Variants in PHF24 observed in about 807,000 individuals in gnomAD.
PHF24 encodes the protein Galpha inhibitory interacting protein.
In PHF24, 25 loss-of-function variants were observed where a neutral mutation model predicts 42.6. The ratio of observed to expected loss-of-function variants is 0.59; its 90% CI spans 0.43 to 0.82. The LOEUF (loss-of-function observed/expected upper bound fraction) is 0.82. PHF24 is among the 40% of genes least tolerant of loss of function. The pLI is 0.00. For synonymous variants in PHF24, 185 were observed against 204.8 expected (o/e 0.90, Z 0.83); for missense variants, 470 against 538.1 (o/e 0.87, Z 1.25).
chr9:34,840,227 A>G, the PHF24 span, among the ~76,000 whole-genome samples: 5 of 152,192 alleles, frequency 3.3e-5, no homozygotes, highest in African/African-American at 1.2e-4. Context: ...AAGAAGATAT[A>G]ACATACTGTC....
chr9:34,966,581 C>CG (rs1826776348), intron 1 of PHF24, among the ~76,000 whole-genome samples: 2 of 90,692 alleles, frequency 2.2e-5, no homozygotes, highest in Middle Eastern at 5.2e-3. Flanking sequence ...TATGGCGAGA[C>CG]CCCCCCCCTC....
chr9:34,703,109 C>T, the PHF24 span, among the ~76,000 whole-genome samples: 1 of 152,222 alleles, frequency 6.6e-6, no homozygotes, highest in Admixed American at 6.5e-5. Context: ...CCCCACCCCT[C>T]TGACTCCCAC....
At chr9:34,880,061 A>C in the PHF24 span, among the ~76,000 whole-genome samples, 13 of 152,238 alleles carry the variant, frequency 8.5e-5, no homozygotes, top group South Asian at 2.1e-4. Context: ...TTCTTAAAGA[A>C]AAGAATTTTC....
At chr9:34,977,147 G>C (rs772848273) in exon 6 of PHF24, 29 of 1,613,454 alleles carry the variant, frequency 1.8e-5, no homozygotes, top group Admixed American at 1.7e-5. Flanking sequence ...TTCCTGGCTC[G>C]GGGCAGTGGG....
the PHF24 span, among the ~76,000 whole-genome samples, chr9:34,703,590 C>T: frequency 6.6e-6 from 1 of 151,764 alleles, no homozygotes; most frequent in Non-Finnish European, 1.5e-5. Context: ...AAGTGTGGCC[C>T]AAGTATCCTG....
chr9:34,856,110 T>C, the PHF24 span, among the ~76,000 whole-genome samples: 1 of 152,240 alleles, frequency 6.6e-6, no homozygotes, highest in South Asian at 2.1e-4. Flanking sequence ...TGTTGTGTTT[T>C]TTAGCTCTAT....
At chr9:34,792,595 C>T in the PHF24 span, among the ~76,000 whole-genome samples, 2 of 151,888 alleles carry the variant, frequency 1.3e-5, no homozygotes, top group African/African-American at 4.8e-5. Context: ...CGCTTGAACC[C>T]GGGAGGCGAA....
chr9:34,972,453 G>A (rs1167063714), exon 3 of PHF24: 1 of 1,614,184 alleles, frequency 6.2e-7, no homozygotes. Flanking sequence ...TGCGCCGCAT[G>A]GGCTACATCC....
the PHF24 span, chr9:34,724,672 G>A: frequency 4.5e-6 from 7 of 1,545,856 alleles, no homozygotes; most frequent in Non-Finnish European, 6.1e-6. Flanking sequence ...CTGCAGGCTG[G>A]AACTCTTTTG....
chr9:34,851,270 G>A, the PHF24 span, among the ~76,000 whole-genome samples: 23 of 152,256 alleles, frequency 1.5e-4, no homozygotes, highest in Admixed American at 3.9e-4. Context: ...CAAGCTTCCC[G>A]GCTGCTTTGT....
chr9:34,683,154 G>C, the PHF24 span, among the ~76,000 whole-genome samples: 1 of 151,848 alleles, frequency 6.6e-6, no homozygotes, highest in Non-Finnish European at 1.5e-5. Flanking sequence ...TTTGCCTCCT[G>C]GGTTCAAGAG....
chr9:34,707,287 A>G, the PHF24 span, among the ~76,000 whole-genome samples: 1 of 152,144 alleles, frequency 6.6e-6, no homozygotes, highest in African/African-American at 2.4e-5. Flanking sequence ...GGGTCAGAAC[A>G]CTCACTGGCG....
the PHF24 span, among the ~76,000 whole-genome samples, chr9:34,737,768 A>G: frequency 2.0e-5 from 3 of 152,148 alleles, no homozygotes; most frequent in Admixed American, 1.3e-4. Context: ...GAGGCATATT[A>G]TATTTTCCAA....
the PHF24 span, among the ~76,000 whole-genome samples, chr9:34,952,383 A>G: frequency 3.9e-5 from 6 of 152,236 alleles, no homozygotes; most frequent in African/African-American, 1.4e-4. Flanking sequence ...GACCTAACTA[A>G]ATGGGGAGAT....
the PHF24 span, among the ~76,000 whole-genome samples, chr9:34,809,589 G>A: frequency 6.6e-6 from 1 of 152,242 alleles, no homozygotes; most frequent in Non-Finnish European, 1.5e-5. This position sits in a 1 kb window ranked among gnomAD's most constrained non-coding sequence, Gnocchi z 4.1. Context: ...ACTGCAGAGA[G>A]TGTCCGAATG....
chr9:34,719,764 C>G, the PHF24 span, among the ~76,000 whole-genome samples: 1 of 152,220 alleles, frequency 6.6e-6, no homozygotes, highest in African/African-American at 2.4e-5. Context: ...GGGCCTCCCT[C>G]TGTTCTAGCT....
At chr9:34,936,323 G>A in the PHF24 span, among the ~76,000 whole-genome samples, 2 of 152,228 alleles carry the variant, frequency 1.3e-5, no homozygotes, top group South Asian at 2.1e-4. Context: ...CGCCAGCCTC[G>A]GCCTCCGGAG....
chr9:34,872,289 C>G, the PHF24 span, among the ~76,000 whole-genome samples: 1 of 149,590 alleles, frequency 6.7e-6, no homozygotes. Context: ...ATGTGCCATG[C>G]TGGTGCGCTG....
At chr9:34,709,120 C>T in the PHF24 span, 2 of 544,760 alleles carry the variant, frequency 3.7e-6, no homozygotes, top group Non-Finnish European at 3.2e-6. Flanking sequence ...GATTCTCCTT[C>T]AAGGGGACAG....
Sources: gnomAD v4.1 joint callset for allele counts (sites outside exome capture counted in the v4.1 genomes callset) on GRCh38, gnomAD v4.1.1 for gene constraint, Gnocchi (gnomAD v3.1) non-coding constraint, MANE v1.5 for transcripts, NCBI Gene and HGNC (gene_info 2026-07-23, HGNC 2026-07-21) for gene names.